Variants in ACLY observed in about 807,000 individuals in gnomAD.
ACLY encodes the protein ATP-citrate synthase.
In ACLY, 41 loss-of-function variants were observed where a neutral mutation model predicts 133.0. That is an observed-to-expected ratio of 0.31 (90% CI 0.24 to 0.40). The LOEUF is 0.40. Among genes scored for constraint, ACLY ranks in the 10% least tolerant of loss-of-function variants. ACLY has a pLI of 1.00. For synonymous variants in ACLY, 495 were observed against 549.3 expected (o/e 0.90, Z 1.38); for missense variants, 1,046 against 1,453.8 (o/e 0.72, Z 4.56).
At chr17:41,900,069 C>CAAAAAAAAAAAAAAAAAAAAAAAA (rs60296550) in intron 11 of ACLY, among the ~76,000 whole-genome samples, 8 of 46,630 alleles carry the variant, frequency 1.7e-4, no homozygotes, top group Non-Finnish European at 3.4e-4. Flanking sequence ...ACCCTGTCTC[C>CAAAAAAAAAAAAAAAAAAAAAAAA]AAAAAAAAAA....
intron 10 of ACLY, among the ~76,000 whole-genome samples, chr17:41,903,891 G>A (rs1347616319): frequency 2.6e-5 from 4 of 151,778 alleles, no homozygotes; most frequent in East Asian, 2.0e-4. Flanking sequence ...AGGCTAAGGC[G>A]GGTGGATCAC....
At chr17:41,903,837 C>T (rs978515242) in intron 10 of ACLY, among the ~76,000 whole-genome samples, 1 of 146,586 alleles carries the variant, frequency 6.8e-6, no homozygotes, top group African/African-American at 2.5e-5. Context: ...TAAGGAGGAT[C>T]GGTTGGGCAT....
intron 11 of ACLY, among the ~76,000 whole-genome samples, chr17:41,900,077 A>AAAT (rs2144349054): frequency 7.3e-6 from 1 of 136,272 alleles, no homozygotes; most frequent in East Asian, 2.0e-4. Flanking sequence ...TCCAAAAAAA[A>AAAT]AAAAAAAAAA....
At chr17:41,928,851 A>AT (rs1240895045) in intron 1 of ACLY, among the ~76,000 whole-genome samples, 4 of 85,514 alleles carry the variant, frequency 4.7e-5, no homozygotes, top group Non-Finnish European at 1.1e-4. Flanking sequence ...AGACTCCACC[A>AT]TAAAAAAAAA....
At chr17:41,868,646 A>G in intron 28 of ACLY, 63 bp downstream of exon 28, 1 of 1,261,004 alleles carries the variant, frequency 7.9e-7, no homozygotes, top group Admixed American at 1.9e-5. Flanking sequence ...CCCATGAGTA[A>G]GTGGTGTAGC....
In ACLY at chr17:41,905,490, G is replaced by A. The variant is rs782161547; in HGVS notation, c.1003+32C>T. 4.3e-6 allele frequency: 7 copies of A among 1,613,734 alleles called. No individual in the cohort carries two copies. The South Asian group carries it at 5.5e-5, about 13-fold the overall frequency. The stretch of plus-strand genomic sequence containing the variant: ...CCTGCTGGGCTGTCCTGGGGAAGTG[G>A]GGACAGGTATGTGTGTGTGCAAGTA... On this transcript the variant is annotated intron_variant, in intron 9 of 28. Transcript: ENST00000352035.
At chr17:41,925,073 T>C (rs2050226522) in intron 1 of ACLY, among the ~76,000 whole-genome samples, 1 of 151,822 alleles carries the variant, frequency 6.6e-6, no homozygotes, top group Non-Finnish European at 1.5e-5. Context: ...TTTCACTCTT[T>C]TGCCCAGGCT....
chr17:41,892,721 G>C (rs1245289301), intron 15 of ACLY, among the ~76,000 whole-genome samples: 1 of 151,818 alleles, frequency 6.6e-6, no homozygotes, highest in Non-Finnish European at 1.5e-5. Context: ...CTGTCACCCG[G>C]GCTGGAGTGC....
At chr17:41,883,899 C>CT (rs1555627764) in intron 19 of ACLY, among the ~76,000 whole-genome samples, 2 of 151,926 alleles carry the variant, frequency 1.3e-5, no homozygotes, top group Non-Finnish European at 1.5e-5. Flanking sequence ...AAAAAATGCA[C>CT]TTTTTTTACT....
intron 10 of ACLY, among the ~76,000 whole-genome samples, chr17:41,904,202 G>A (rs1598026455): frequency 8.6e-6 from 1 of 116,732 alleles, no homozygotes; most frequent in South Asian, 3.6e-4. Flanking sequence ...AGGGGAGGGA[G>A]GGAGGAAAGG....
chr17:41,903,466 C>G (rs2144363975), intron 10 of ACLY, among the ~76,000 whole-genome samples: 1 of 152,166 alleles, frequency 6.6e-6, no homozygotes. Context: ...AGATATAAGA[C>G]CAGGATGGCC....
chr17:41,875,976 C>A (rs1567886054), intron 22 of ACLY, among the ~76,000 whole-genome samples: 1 of 151,236 alleles, frequency 6.6e-6, no homozygotes, highest in African/African-American at 2.4e-5. Context: ...TGCCCGGCCG[C>A]TATCCCATCT....
At chr17:41,925,108 T>C (rs1555635852) in intron 1 of ACLY, among the ~76,000 whole-genome samples, 1 of 151,830 alleles carries the variant, frequency 6.6e-6, no homozygotes, top group Non-Finnish European at 1.5e-5. Flanking sequence ...CGATCTCCGC[T>C]CACTGCAACC....
intron 1 of ACLY, among the ~76,000 whole-genome samples, chr17:41,917,134 C>CAAAAA: frequency 1.9e-5 from 1 of 53,548 alleles, no homozygotes; most frequent in Non-Finnish European, 3.8e-5. Context: ...GACTCTGTCT[C>CAAAAA]AAAAAAAAAA....
Position 41,907,468 on chromosome 17 carries a change from G to T in ACLY, c.721C>A (p.Pro241Thr), listed in dbSNP as rs1555632876. 1 of 1,613,938 alleles carries T rather than the reference G, an allele frequency of 6.2e-7. No homozygotes were observed. The highest frequency in any genetic ancestry group is 8.5e-7 in the Non-Finnish European group (1 of 1,179,924). The change falls in exon 7 of 29, where the codon CCC (proline) becomes ACC (threonine). Residue 241 changes from proline (P) to threonine (T), a missense_variant. Transcript: ENST00000352035. ...TCTGGATATGCCTCCCGCCCGAAGGGGGGAGGGAACTCGATGTCACCCCAC... is the reference window on the plus strand; with the variant it reads ...TCTGGATATGCCTCCCGCCCGAAGGTGGGAGGGAACTCGATGTCACCCCAC... ...VKWGDIEFPP[P>T]FGREAYPEEA... is the part of the protein sequence containing the mutation.
chr17:41,872,705 T>C (rs1409073167), intron 23 of ACLY, among the ~76,000 whole-genome samples: 1 of 152,148 alleles, frequency 6.6e-6, no homozygotes, highest in African/African-American at 2.4e-5. Context: ...TCAGCATGAG[T>C]TGCCTGTACC....
intron 1 of ACLY, among the ~76,000 whole-genome samples, chr17:41,925,893 G>A (rs2050237887): frequency 6.6e-6 from 1 of 151,860 alleles, no homozygotes; most frequent in Non-Finnish European, 1.5e-5. Context: ...CGCCCAGGCT[G>A]GAGTGCAGTG....
At chr17:41,907,318 T>G in intron 7 of ACLY, 124 bp downstream of exon 7, 1 of 655,700 alleles carries the variant, frequency 1.5e-6, no homozygotes. Context: ...AATTAAATGC[T>G]TCTCAGTCTT....
At position 41,892,360 on chromosome 17, in the gene ACLY, A is replaced by G. The variant is rs8065502; in HGVS notation, c.1689T>C (p.His563=). The G allele has an allele frequency of 0.92, 1,476,845 of 1,613,170 alleles. 677,230 individuals carry two copies. Among genetic ancestry groups the G allele is most frequent in the East Asian group, 1 (44,762 of 44,766 alleles). ...AGTTGATGAGCACATCTACCTCCGG[A>G]TGCTTCCTCATGGCATCAGCCATGT... ...FKNMADAMRK[H]PEVDVLINFA... Residue 563 remains histidine (H), a synonymous_variant, in exon 16 of 29, where the codon CAT becomes CAC. Coordinates refer to ENST00000352035, the MANE Select transcript of ACLY (RefSeq NM_001096.3).
Sources: allele counts gnomAD v4.1 joint callset (sites outside exome capture counted in the v4.1 genomes callset), GRCh38; gene constraint gnomAD v4.1.1; transcripts MANE v1.5; gene names NCBI Gene and HGNC (gene_info 2026-07-23, HGNC 2026-07-21).